The following DCC variants were observed in gnomAD, a reference collection of about 807,000 sequenced individuals.
DCC encodes the protein DCC netrin 1 receptor, also known as netrin receptor DCC.
Under a neutral mutation model 172.5 loss-of-function variants are expected in DCC, and 58 were observed. That is an observed-to-expected ratio of 0.34 (90% confidence interval 0.27 to 0.42). The LOEUF is 0.42. DCC is among the 10% of genes least tolerant of loss of function. The probability of loss-of-function intolerance (pLI) is 1.00; values close to 1 mark genes in which losing one functional copy is unlikely to be tolerated. For synonymous variants in DCC, 709 were observed against 644.5 expected (o/e 1.10, Z -1.52); for missense variants, 1,740 against 1,791.0 (o/e 0.97, Z 0.51).
At chr18:52,614,532 CA>C (rs1023023093) in intron 1 of DCC, among the ~76,000 whole-genome samples, 2 of 152,096 alleles carry the variant, frequency 1.3e-5, no homozygotes, top group African/African-American at 4.8e-5. Flanking sequence ...ACGGCTACAC[CA>C]ACGATTTGTC....
At chr18:52,656,201 C>T (rs1328972855) in intron 1 of DCC, among the ~76,000 whole-genome samples, 1 of 151,076 alleles carries the variant, frequency 6.6e-6, no homozygotes, top group Non-Finnish European at 1.5e-5. Flanking sequence ...AAATCCTAAC[C>T]CCCAAAGTGA....
At chr18:52,808,939 A>G in intron 2 of DCC, among the ~76,000 whole-genome samples, 1 of 152,170 alleles carries the variant, frequency 6.6e-6, no homozygotes, top group Middle Eastern at 3.2e-3. Flanking sequence ...AATTTTTGGC[A>G]TGGGGATCTT....
chr18:52,479,554 C>T (rs969018081), intron 1 of DCC, among the ~76,000 whole-genome samples: 12 of 146,904 alleles, frequency 8.2e-5, no homozygotes, highest in Admixed American at 2.1e-4. Context: ...CTCTGTCTCT[C>T]TCTCTCTCAC....
intron 7 of DCC, among the ~76,000 whole-genome samples, chr18:53,087,524 T>A (rs2042932742): frequency 6.6e-6 from 1 of 152,100 alleles, no homozygotes; most frequent in South Asian, 2.1e-4. Context: ...ATGAGTAGGT[T>A]GTGAAAATTT....
chr18:53,394,995 T>C (rs1220504189), intron 17 of DCC, among the ~76,000 whole-genome samples: 1 of 147,124 alleles, frequency 6.8e-6, no homozygotes, highest in East Asian at 2.2e-4. Context: ...AATACAAAAA[T>C]TAGCTGGGCG....
chr18:53,127,139 T>G (rs1255179929), intron 7 of DCC, among the ~76,000 whole-genome samples: 3 of 95,012 alleles, frequency 3.2e-5, no homozygotes, highest in East Asian at 2.6e-4. Flanking sequence ...GATCGTTGTT[T>G]TTTTTTTTTT....
intron 12 of DCC, among the ~76,000 whole-genome samples, chr18:53,263,533 A>G (rs1421059050): frequency 6.6e-6 from 1 of 152,196 alleles, no homozygotes; most frequent in Non-Finnish European, 1.5e-5. Context: ...ATAAAATTTT[A>G]TTAAGTTGAT....
intron 7 of DCC, among the ~76,000 whole-genome samples, chr18:53,141,061 G>C (rs1329755826): frequency 1.3e-5 from 2 of 152,112 alleles, no homozygotes; most frequent in Non-Finnish European, 2.9e-5. Flanking sequence ...TGGTGTCAGA[G>C]TCAGTCAAAT....
intron 5 of DCC, among the ~76,000 whole-genome samples, chr18:52,968,990 G>A (rs1051691201): frequency 1.3e-5 from 2 of 151,678 alleles, no homozygotes; most frequent in Non-Finnish European, 2.9e-5. Context: ...CCCTTAGCCT[G>A]TAAGTTGCAT....
At chr18:52,986,812 A>G (rs1270894316) in intron 5 of DCC, among the ~76,000 whole-genome samples, 3 of 146,462 alleles carry the variant, frequency 2.0e-5, no homozygotes, top group African/African-American at 5.2e-5. Context: ...TGTAGTATAT[A>G]TATACACACA....
At chr18:53,187,803 A>G (rs1160936790) in intron 9 of DCC, among the ~76,000 whole-genome samples, 1 of 152,168 alleles carries the variant, frequency 6.6e-6, no homozygotes, top group Non-Finnish European at 1.5e-5. Flanking sequence ...TGCAATGAGG[A>G]GTTGAGTTGG....
chr18:53,437,440 A>C (rs1354941096), intron 22 of DCC, among the ~76,000 whole-genome samples: 2 of 151,744 alleles, frequency 1.3e-5, no homozygotes, highest in Non-Finnish European at 2.9e-5. Flanking sequence ...ATTAGCCAGG[A>C]GTGGTGGCAC....
chr18:52,587,394 T>G (rs1053123700), intron 1 of DCC, among the ~76,000 whole-genome samples: 1 of 152,226 alleles, frequency 6.6e-6, no homozygotes, highest in Non-Finnish European at 1.5e-5. Flanking sequence ...CGGGTCATCC[T>G]ATCCACTTGA....
At chr18:53,026,562 T>G (rs569010408) in intron 5 of DCC, among the ~76,000 whole-genome samples, 1 of 152,216 alleles carries the variant, frequency 6.6e-6, no homozygotes, top group Admixed American at 6.5e-5. Context: ...TAAATTTTAT[T>G]ATTTTATTTT....
intron 25 of DCC, among the ~76,000 whole-genome samples, chr18:53,473,536 TAGAA>T (rs2045724608): frequency 6.6e-6 from 1 of 152,152 alleles, no homozygotes; most frequent in Non-Finnish European, 1.5e-5. Flanking sequence ...ATAAGAGGCT[TAGAA>T]AGAGAAAGAA....
chr18:53,351,426 GTA>G (rs1374025632), intron 15 of DCC, among the ~76,000 whole-genome samples: 41 of 14,502 alleles, frequency 2.8e-3, no homozygotes, highest in African/African-American at 9.3e-3. Flanking sequence ...TACACACTGT[GTA>G]TATATATATA....
At chr18:53,149,688 G>T (rs553850046) in intron 7 of DCC, among the ~76,000 whole-genome samples, 2 of 152,248 alleles carry the variant, frequency 1.3e-5, no homozygotes, top group East Asian at 3.9e-4. Flanking sequence ...ACCTTTAGTT[G>T]CTCACATATT....
chr18:52,491,574 G>T (rs578129224), intron 1 of DCC, among the ~76,000 whole-genome samples: 1 of 152,120 alleles, frequency 6.6e-6, no homozygotes, highest in Non-Finnish European at 1.5e-5. Flanking sequence ...TTATCATGGC[G>T]TAAGCCCAGA....
chr18:53,330,619 T>A (rs1264264591), intron 14 of DCC, among the ~76,000 whole-genome samples: 1 of 152,172 alleles, frequency 6.6e-6, no homozygotes, highest in Non-Finnish European at 1.5e-5. Context: ...CTCCATGTGG[T>A]CCTTCCCTCA....
Sources: allele counts gnomAD v4.1 joint callset (sites outside exome capture counted in the v4.1 genomes callset), GRCh38; gene constraint gnomAD v4.1.1; transcripts MANE v1.5; gene names NCBI Gene and HGNC (gene_info 2026-07-23, HGNC 2026-07-21).